Variants in ZCCHC10 observed in about 807,000 individuals in gnomAD.
The protein encoded by ZCCHC10 is zinc finger CCHC-type containing 10.
A neutral mutation model predicts 19.5 loss-of-function variants in ZCCHC10; 16 were observed. The observed-to-expected ratio is 0.82, with a 90% CI of 0.56 to 1.25. The LOEUF is 1.25. Among genes scored for constraint, ZCCHC10 ranks in the 50% most tolerant of loss-of-function variants. ZCCHC10 has a pLI of 0.00. For synonymous variants in ZCCHC10, 67 were observed against 72.5 expected (o/e 0.92, Z 0.38); for missense variants, 197 against 201.0 (o/e 0.98, Z 0.12).
Position 132,998,867 on chromosome 5 carries a change from A to G in ZCCHC10, c.312-17T>C. ...CTCTTAGACCTATTAGACAATACAGAGTTATATACATGGGAAGGTGACATG... is the reference window on the plus strand; with the variant it reads ...CTCTTAGACCTATTAGACAATACAGGGTTATATACATGGGAAGGTGACATG... On this transcript the variant is annotated splice_polypyrimidine_tract_variant and intron_variant, in intron 4 of 4. Transcript: ENST00000509437. 2.5e-6 allele frequency: 4 copies of G among 1,603,036 alleles called. No homozygotes were observed. Among genetic ancestry groups the G allele is most frequent in the Non-Finnish European group, 3.4e-6 (4 of 1,174,360 alleles).
chr5:133,026,437 G>A (rs1764721255), intron 1 of ZCCHC10, 60 bp downstream of exon 1: 8 of 1,599,284 alleles, frequency 5.0e-6, no homozygotes, highest in Non-Finnish European at 6.8e-6. Flanking sequence ...ACACCAGCCC[G>A]TTGACGCGCG....
intron 1 of ZCCHC10, among the ~76,000 whole-genome samples, chr5:133,025,329 C>T (rs1006954746): frequency 6.6e-6 from 1 of 151,370 alleles, no homozygotes; most frequent in Admixed American, 6.6e-5. Flanking sequence ...ACGGTGAAAC[C>T]CCATCTCTAC....
At chr5:133,013,974 C>A (rs570850998) in intron 2 of ZCCHC10, among the ~76,000 whole-genome samples, 1 of 152,014 alleles carries the variant, frequency 6.6e-6, no homozygotes, top group Non-Finnish European at 1.5e-5. Context: ...CAGTCACAAC[C>A]TTACAGAAAA....
chr5:133,018,317 T>A (rs913140615), intron 2 of ZCCHC10, among the ~76,000 whole-genome samples: 1 of 152,046 alleles, frequency 6.6e-6, no homozygotes, highest in Non-Finnish European at 1.5e-5. Context: ...TTTTTTTTTT[T>A]TTTTAATTAC....
intron 2 of ZCCHC10, among the ~76,000 whole-genome samples, chr5:133,017,804 T>C (rs1764020943): frequency 6.6e-6 from 1 of 152,134 alleles, no homozygotes; most frequent in Non-Finnish European, 1.5e-5. Context: ...AGATATAAGA[T>C]AGACTCAAAA....
chr5:133,003,346 A>G, intron 3 of ZCCHC10: 1 of 380,994 alleles, frequency 2.6e-6, no homozygotes, highest in Non-Finnish European at 5.2e-6. Flanking sequence ...AAATTGAAGA[A>G]AGAAGGTTCA....
chr5:133,007,863 G>T (rs950279022), intron 2 of ZCCHC10, among the ~76,000 whole-genome samples: 13 of 152,238 alleles, frequency 8.5e-5, no homozygotes, highest in African/African-American at 3.1e-4. Context: ...TGAGACTAGG[G>T]CATTCAGACT....
At chr5:133,019,648 C>G (rs781579476) in intron 2 of ZCCHC10, among the ~76,000 whole-genome samples, 1 of 151,926 alleles carries the variant, frequency 6.6e-6, no homozygotes, top group Admixed American at 6.6e-5. Context: ...TAATATGCAA[C>G]AAAAAAATTT....
intron 2 of ZCCHC10, among the ~76,000 whole-genome samples, chr5:133,009,151 C>T (rs776422148): frequency 2.0e-5 from 3 of 152,142 alleles, no homozygotes; most frequent in South Asian, 4.2e-4. Context: ...TACAGGCATG[C>T]ACTATCACGC....
rs376910262 is a variant in ZCCHC10, at chr5:133,021,132, G to A, written c.107+1709C>T. 3.6e-3 allele frequency among the ~76,000 whole-genome samples: 551 copies of A among 152,254 alleles called. 4 individuals carry two copies. Among genetic ancestry groups the A allele is most frequent in the African/African-American group, 0.013 (531 of 41,562 alleles). ...AGGATAGTCTTGATCTTTTGACCTC[G>A]TGATCCGCCCGCCTCGGCCTCCCAA... On this transcript the variant is annotated intron_variant, in intron 2 of 4. Transcript: ENST00000509437.
At chr5:133,024,826 C>A (rs952456325) in intron 1 of ZCCHC10, among the ~76,000 whole-genome samples, 1 of 151,942 alleles carries the variant, frequency 6.6e-6, no homozygotes, top group African/African-American at 2.4e-5. Context: ...TCATTTGAAC[C>A]AGGGAGGCAG....
chr5:133,000,095 CAT>C, intron 4 of ZCCHC10, 35 bp downstream of exon 4: 1 of 1,600,686 alleles, frequency 6.2e-7, no homozygotes, highest in African/African-American at 1.3e-5. Flanking sequence ...ATTAGTATTA[CAT>C]GTTATCTATA....
In ZCCHC10 at chr5:133,026,530, G is replaced by C; in HGVS notation, c.8C>G (p.Thr3Ser). The part of the protein sequence containing the change: MA[T>S]PMHRLIARRQ... ...CCGGGCTATTAGCCGATGCATGGGA[G>C]TCGCCATCTTAGCGCGGTCAAAGCC... Residue 3 changes from threonine (T) to serine (S), a missense_variant, in exon 1 of 5, where the codon ACT (threonine) becomes AGT (serine). Coordinates refer to ENST00000509437, the MANE Select transcript of ZCCHC10 (RefSeq NM_001300816.3). 6.2e-7 allele frequency: 1 copy of C among 1,613,736 alleles called. No individual in the cohort carries two copies. Among genetic ancestry groups the C allele is most frequent in the African/African-American group, 1.3e-5 (1 of 74,998 alleles).
chr5:133,010,636 T>G (rs1335077060), intron 2 of ZCCHC10, among the ~76,000 whole-genome samples: 1 of 151,788 alleles, frequency 6.6e-6, no homozygotes, highest in East Asian at 1.9e-4. Flanking sequence ...CAAAAAACAG[T>G]TTTCGTATTT....
chr5:133,025,653 C>T (rs1764652699), intron 1 of ZCCHC10, among the ~76,000 whole-genome samples: 1 of 151,994 alleles, frequency 6.6e-6, no homozygotes, highest in Non-Finnish European at 1.5e-5. Flanking sequence ...AAGTTTCAGG[C>T]TCAAAGCAAT....
At chr5:133,015,205 A>G (rs1763841920) in intron 2 of ZCCHC10, among the ~76,000 whole-genome samples, 1 of 150,686 alleles carries the variant, frequency 6.6e-6, no homozygotes, top group Admixed American at 6.7e-5. Flanking sequence ...CAGCCTACTG[A>G]GTAGCTGGGA....
At chr5:133,012,442 T>G (rs1320438562) in intron 2 of ZCCHC10, among the ~76,000 whole-genome samples, 1 of 147,860 alleles carries the variant, frequency 6.8e-6, no homozygotes, top group Non-Finnish European at 1.5e-5. Flanking sequence ...CACTCCAGCC[T>G]AGGCAACAGA....
In ZCCHC10 at chr5:133,010,741, G is replaced by A. The variant is rs137971486; in HGVS notation, c.108-3821C>T. ...GCACCTTGGCCTCCCAAAGTGCTGC[G>A]ATTACAGGCATGAATCACTGCACCC... On this transcript the variant is annotated intron_variant, in intron 2 of 4. Coordinates refer to ENST00000509437, the MANE Select transcript of ZCCHC10 (RefSeq NM_001300816.3). Among the ~76,000 whole-genome samples the A allele has an allele frequency of 1.0e-3, 156 of 152,168 alleles. 2 individuals carry two copies. Among genetic ancestry groups the A allele is most frequent in the African/African-American group, 3.7e-3 (152 of 41,536 alleles).
At position 132,997,970 on chromosome 5, in the gene ZCCHC10, A is replaced by C. The variant is rs1762529416; in HGVS notation, c.*613T>G. On this transcript the variant is annotated 3_prime_UTR_variant, in exon 5 of 5. Coordinates refer to ENST00000509437, the MANE Select transcript of ZCCHC10 (RefSeq NM_001300816.3). ...TCCTCAGAAAAGGATAACTTGAAAAACTTAAGGAACCAGAAGAAAATGAAT... is the reference window on the plus strand; with the variant it reads ...TCCTCAGAAAAGGATAACTTGAAAACCTTAAGGAACCAGAAGAAAATGAAT... 2 of 152,122 alleles carry C rather than the reference A, an allele frequency of 1.3e-5. No homozygotes were observed. The highest frequency in any genetic ancestry group is 2.9e-5 in the Non-Finnish European group (2 of 68,010). 9.4% of individuals were successfully genotyped at this position (152,122 alleles called of 1,614,324 possible).
Sources: allele counts gnomAD v4.1 joint callset (sites outside exome capture counted in the v4.1 genomes callset), GRCh38; gene constraint gnomAD v4.1.1; transcripts MANE v1.5; gene names NCBI Gene and HGNC (gene_info 2026-07-23, HGNC 2026-07-21).